RNF112: variants seen among roughly 807,000 people sequenced by gnomAD.
RNF112 encodes brain finger protein.
A neutral mutation model predicts 64.7 loss-of-function variants in RNF112; 34 were observed. The observed-to-expected ratio is 0.53, with a 90% confidence interval of 0.40 to 0.70. RNF112 has a LOEUF of 0.70. RNF112 is among the 30% of genes least tolerant of loss of function. The pLI is 0.00. For missense variants in RNF112, 734 were observed against 850.0 expected, an observed-to-expected ratio of 0.86 and a Z score of 1.70; for synonymous variants, 345 against 344.5, an observed-to-expected ratio of 1.00 and a Z score of -0.02.
At chr17:19,414,987 C>T in intron 10 of RNF112, 51 bp from the exon 11 acceptor site, 1 of 1,581,860 alleles carries the variant, frequency 6.3e-7, no homozygotes, top group Non-Finnish European at 8.6e-7. Flanking sequence ...CTCTGACACC[C>T]CTTCTCCTCC....
chr17:19,412,292 A>G lies in RNF112; in HGVS notation c.96-206A>G, dbSNP rs1245226714. Among the ~76,000 whole-genome samples the G allele has an allele frequency of 6.6e-6, 1 of 152,032 alleles. No homozygotes were observed. Among genetic ancestry groups the G allele is most frequent in the Admixed American group, 6.5e-5 (1 of 15,272 alleles). The stretch of plus-strand genomic sequence containing the variant: ...CTGCTGCCCCCACTCTGAGGCCCCC[A>G]GGTCCTAGGACACATGTCAGTGAGG... On this transcript the variant is annotated intron_variant, in intron 2 of 13. Coordinates refer to ENST00000461366, the MANE Select transcript of RNF112 (RefSeq NM_007148.5). The surrounding 1 kb of genome is among the most constrained non-coding windows in gnomAD (Gnocchi z 5.1).
chr17:19,412,895 C>T lies in RNF112; in HGVS notation c.382-43C>T. ...GCTGAACACATTCCAGGGTCAGGAG[C>T]TGGTCCTGGATGCTCAGGGGCCCCT... is the stretch of plus-strand genomic sequence containing the variant. On this transcript the variant is annotated intron_variant, in intron 3 of 13. Coordinates refer to ENST00000461366, the MANE Select transcript of RNF112 (RefSeq NM_007148.5). The surrounding 1 kb of genome is among the most constrained non-coding windows in gnomAD (Gnocchi z 5.1). 6.4e-7 allele frequency: 1 copy of T among 1,564,702 alleles called. No homozygotes were observed. The highest frequency in any genetic ancestry group is 8.6e-7 in the Non-Finnish European group (1 of 1,156,276).
chr17:19,417,125 G>A lies in RNF112; in HGVS notation c.*950G>A, dbSNP rs1342052045. 1 of 152,194 alleles carries A rather than the reference G, an allele frequency of 6.6e-6. No homozygotes were observed. The highest frequency in any genetic ancestry group is 1.5e-5 in the Non-Finnish European group (1 of 68,044). The allele number at this position is 152,194 out of a possible 1,614,324, so 9.4% of individuals were successfully genotyped here. ...CAAACACCAGGCCCCCTGGGAACTG[G>A]GGGTGCGGGAGTTCTCCCTCTGGGG... is the stretch of plus-strand genomic sequence containing the variant. On this transcript the variant is annotated 3_prime_UTR_variant, in exon 14 of 14. Coordinates refer to ENST00000461366, the MANE Select transcript of RNF112 (RefSeq NM_007148.5).
In RNF112 at chr17:19,415,827, G is replaced by A. The variant is rs544693760; in HGVS notation, c.1548G>A (p.Gly516=). 9.9e-6 allele frequency: 16 copies of A among 1,613,810 alleles called. No individual in the cohort carries two copies. In the East Asian group the frequency reaches 1.6e-4, roughly 16 times the overall value. ...ATGGTGTGGCCTTACTCTGCAAGGG[G>A]AGAGATCAGACCTTGGAGGCACTGG... ...ARHGVALLCK[G]RDQTLEALEA... Residue 516 remains glycine, a synonymous_variant, in exon 14 of 14, where the codon GGG becomes GGA. Transcript: ENST00000461366. The surrounding 1 kb of genome is among the most constrained non-coding windows in gnomAD (Gnocchi z 7.8).
Position 19,413,814 on chromosome 17 carries a change from G to C in RNF112, c.825+133G>C, listed in dbSNP as rs991443298. 8.5e-6 allele frequency: 6 copies of C among 707,534 alleles called. No individual in the cohort carries two copies. The highest frequency in any genetic ancestry group is 1.4e-5 in the Non-Finnish European group (6 of 430,552). 43.8% of individuals were successfully genotyped at this position (707,534 alleles called of 1,614,324 possible). ...GGTTCTGGGGCTGCCTTAGAAGGGG[G>C]AAGGTGCTCCTAGTTGGTGAAGGTG... On this transcript the variant is annotated intron_variant, in intron 6 of 13. Coordinates refer to ENST00000461366, the MANE Select transcript of RNF112 (RefSeq NM_007148.5). The surrounding 1 kb of genome is among the most constrained non-coding windows in gnomAD (Gnocchi z 5.9).
chr17:19,413,057 C>T lies in RNF112; in HGVS notation c.501C>T (p.Thr167=). ...TGAAGCACCCTCTGGCCAGGGACACCCCAGTCTGCCTCCTCGCTGTCCTGG... is the reference window on the plus strand; with the variant it reads ...TGAAGCACCCTCTGGCCAGGGACACTCCAGTCTGCCTCCTCGCTGTCCTGG... ...RCLKHPLARD[T]PVCLLAVLGE... The change falls in exon 4 of 14, where the codon ACC becomes ACT. Residue 167 remains threonine (T), a synonymous_variant. Coordinates refer to ENST00000461366, the MANE Select transcript of RNF112 (RefSeq NM_007148.5). This position sits in a 1 kb window ranked among gnomAD's most constrained non-coding sequence, Gnocchi z 5.9. 6.2e-7 allele frequency: 1 copy of T among 1,613,214 alleles called. No homozygotes were observed. Among genetic ancestry groups the T allele is most frequent in the Non-Finnish European group, 8.5e-7 (1 of 1,179,780 alleles).
Position 19,415,662 on chromosome 17 carries a change from G to T in RNF112, c.1426-43G>T, listed in dbSNP as rs1308409341. 1 of 1,601,004 alleles carries T rather than the reference G, an allele frequency of 6.2e-7. No individual in the cohort carries two copies. Among genetic ancestry groups the T allele is most frequent in the African/African-American group, 1.3e-5 (1 of 74,686 alleles). ...GTCCAGATCAGGGAGAGGATACCTGGGACTCCTGGTCAGGGCACCTTCTTT... is the reference window on the plus strand; with the variant it reads ...GTCCAGATCAGGGAGAGGATACCTGTGACTCCTGGTCAGGGCACCTTCTTT... On this transcript the variant is annotated intron_variant, in intron 13 of 13. Coordinates refer to ENST00000461366, the MANE Select transcript of RNF112 (RefSeq NM_007148.5). The surrounding 1 kb of genome is among the most constrained non-coding windows in gnomAD (Gnocchi z 7.8).
chr17:19,412,427 C>A lies in RNF112; in HGVS notation c.96-71C>A. On this transcript the variant is annotated intron_variant, in intron 2 of 13. Transcript: ENST00000461366. The surrounding 1 kb of genome is among the most constrained non-coding windows in gnomAD (Gnocchi z 5.1). The stretch of plus-strand genomic sequence containing the variant: ...CCACTCCCAAGCCATCAGTCTTCCA[C>A]CACAACCCTGGCCGGTACCCCCTGC... The A allele has an allele frequency of 6.6e-7, 1 of 1,523,930 alleles. No homozygotes were observed. The highest frequency in any genetic ancestry group is 8.9e-7 in the Non-Finnish European group (1 of 1,129,696). The allele number at this position is 1,523,930 out of a possible 1,614,324, so 94.4% of individuals were successfully genotyped here. A position where few individuals can be genotyped will look rare whatever the true frequency, so the allele number is the denominator to read the frequency against.
intron 1 of RNF112, 45 bp from the exon 2 acceptor site, chr17:19,411,585 T>C (rs556529996): frequency 6.5e-7 from 1 of 1,537,694 alleles, no homozygotes; most frequent in Non-Finnish European, 8.8e-7. Flanking sequence ...AAGATAGAAG[T>C]CTGGATTATG....
Position 19,412,629 on chromosome 17 carries a change from T to C in RNF112, c.227T>C (p.Phe76Ser), listed in dbSNP as rs750326865. The C allele has an allele frequency of 6.2e-7, 1 of 1,613,472 alleles. No homozygotes were observed. The part of the protein sequence containing the change: ...DPISLDCGHD[F>S]CIRCFSTHRL... ...ATCTCGCTGGACTGTGGCCACGACT[T>C]CTGCATACGGTGCTTCAGCACACAC... Residue 76 changes from phenylalanine (F) to serine (S), a missense_variant, in exon 3 of 14, where the codon TTC becomes TCC. Transcript: ENST00000461366. This position sits in a 1 kb window ranked among gnomAD's most constrained non-coding sequence, Gnocchi z 5.1.
chr17:19,415,629 C>T lies in RNF112; in HGVS notation c.1425+37C>T, dbSNP rs369054304. On this transcript the variant is annotated intron_variant, in intron 13 of 13. Transcript: ENST00000461366. This position sits in a 1 kb window ranked among gnomAD's most constrained non-coding sequence, Gnocchi z 7.8. ...GGCTGCACGGGAGGCAGGTGTGGGCCGGGCAGGGTCCAGATCAGGGAGAGG... is the reference window on the plus strand; with the variant it reads ...GGCTGCACGGGAGGCAGGTGTGGGCTGGGCAGGGTCCAGATCAGGGAGAGG... 44 of 1,606,768 alleles carry T rather than the reference C, an allele frequency of 2.7e-5. No individual in the cohort carries two copies. In the African/African-American group the frequency reaches 4.5e-4, roughly 17 times the overall value.
Position 19,415,678 on chromosome 17 carries a change from C to T in RNF112, c.1426-27C>T. On this transcript the variant is annotated intron_variant, in intron 13 of 13. Coordinates refer to ENST00000461366, the MANE Select transcript of RNF112 (RefSeq NM_007148.5). This position sits in a 1 kb window ranked among gnomAD's most constrained non-coding sequence, Gnocchi z 7.8. ...GGATACCTGGGACTCCTGGTCAGGG[C>T]ACCTTCTTTTCCCCTCCCTGTCACA... 1 of 1,600,244 alleles carries T rather than the reference C, an allele frequency of 6.2e-7. No individual in the cohort carries two copies. The highest frequency in any genetic ancestry group is 8.5e-7 in the Non-Finnish European group (1 of 1,172,324).
chr17:19,415,323 T>G lies in RNF112; in HGVS notation c.1334T>G (p.Phe445Cys). ...SGWMGRTGPGFTSPDEMAAQL... is the reference protein window; with the variant it reads ...SGWMGRTGPGCTSPDEMAAQL... Reference sequence around the variant, plus strand: ...TGGATGGGGAGGACAGGGCCCGGTTTCACCTCTCCGGATGAGGTATGAGCG... The same window carrying G: ...TGGATGGGGAGGACAGGGCCCGGTTGCACCTCTCCGGATGAGGTATGAGCG... The change falls in exon 12 of 14, where the codon TTC (phenylalanine) becomes TGC (cysteine). Residue 445 changes from phenylalanine to cysteine, a missense_variant. Transcript: ENST00000461366. This position sits in a 1 kb window ranked among gnomAD's most constrained non-coding sequence, Gnocchi z 7.8. 6.2e-7 allele frequency: 1 copy of G among 1,608,724 alleles called. No individual in the cohort carries two copies. Among genetic ancestry groups the G allele is most frequent in the Non-Finnish European group, 8.5e-7 (1 of 1,177,546 alleles).
Position 19,412,720 on chromosome 17 carries a change from C to T in RNF112, c.318C>T (p.Gly106=). The part of the protein sequence containing the change: ...ECRKICKQKR[G]LRSLGEKMKL... Reference sequence around the variant, plus strand: ...GGAAGATATGCAAGCAGAAGAGGGGCCTCCGGAGCCTGGGCGAGAAGATGA... The same window carrying T: ...GGAAGATATGCAAGCAGAAGAGGGGTCTCCGGAGCCTGGGCGAGAAGATGA... Residue 106 remains glycine (G), a synonymous_variant, in exon 3 of 14, where the codon GGC becomes GGT. Transcript: ENST00000461366. The surrounding 1 kb of genome is among the most constrained non-coding windows in gnomAD (Gnocchi z 5.1). The T allele has an allele frequency of 6.2e-7, 1 of 1,613,118 alleles. No individual in the cohort carries two copies. The highest frequency in any genetic ancestry group is 2.2e-5 in the East Asian group (1 of 44,804).
chr17:19,414,331 C>T, intron 7 of RNF112, 118 bp from the exon 8 acceptor site: 1 of 1,288,098 alleles, frequency 7.8e-7, no homozygotes, highest in South Asian at 1.3e-5. Context: ...GAACCCCAGG[C>T]TGCAAAAGGG....
Position 19,411,379 on chromosome 17 carries a change from A to C in RNF112, c.-30A>C, listed in dbSNP as rs779652781. The C allele has an allele frequency of 6.2e-7, 1 of 1,606,052 alleles. No homozygotes were observed. Among genetic ancestry groups the C allele is most frequent in the South Asian group, 1.1e-5 (1 of 89,686 alleles). On this transcript the variant is annotated 5_prime_UTR_variant, in exon 1 of 14. Coordinates refer to ENST00000461366, the MANE Select transcript of RNF112 (RefSeq NM_007148.5). Reference sequence around the variant, plus strand: ...AAGGTCTCGGGGCCTCCCCCTCTGCATCCGGACCCTCTCCCCATCCCAGCC... The same window carrying C: ...AAGGTCTCGGGGCCTCCCCCTCTGCCTCCGGACCCTCTCCCCATCCCAGCC...
chr17:19,414,000 A>G lies in RNF112; in HGVS notation c.826-95A>G. On this transcript the variant is annotated intron_variant, in intron 6 of 13. Transcript: ENST00000461366. This position sits in a 1 kb window ranked among gnomAD's most constrained non-coding sequence, Gnocchi z 5.9. ...GCCTCTCCCATACTCTGAGGCCCAC[A>G]GGCTGCCTGCGAGCTCCCTACTCAC... 9.5e-7 allele frequency: 1 copy of G among 1,057,588 alleles called. No individual in the cohort carries two copies. The highest frequency in any genetic ancestry group is 1.4e-6 in the Non-Finnish European group (1 of 701,316). 65.5% of individuals were successfully genotyped at this position (1,057,588 alleles called of 1,614,324 possible). A position where few individuals can be genotyped will look rare whatever the true frequency, so the allele number is the denominator to read the frequency against.
At position 19,415,564 on chromosome 17, in the gene RNF112, G is replaced by A; in HGVS notation, c.1397G>A (p.Arg466Lys). Reference protein sequence around the residue: ...HDLRKVEAAKREFEEYVRQQD... With the variant: ...HDLRKVEAAKKEFEEYVRQQD... The stretch of plus-strand genomic sequence containing the variant: ...CTGAGGAAGGTGGAAGCTGCCAAGA[G>A]GGAGTTCGAGGAGTATGTGAGGCAG... Residue 466 changes from arginine to lysine, a missense_variant, in exon 13 of 14, where the codon AGG becomes AAG. By Grantham distance (26) the Arg-to-Lys change is conservative. Coordinates refer to ENST00000461366, the MANE Select transcript of RNF112 (RefSeq NM_007148.5). This position sits in a 1 kb window ranked among gnomAD's most constrained non-coding sequence, Gnocchi z 7.8. 6.2e-7 allele frequency: 1 copy of A among 1,612,920 alleles called. No individual in the cohort carries two copies. The highest frequency in any genetic ancestry group is 8.5e-7 in the Non-Finnish European group (1 of 1,179,552).
At position 19,412,545 on chromosome 17, in the gene RNF112, C is replaced by G. The variant is rs958325825; in HGVS notation, c.143C>G (p.Pro48Arg). The change falls in exon 3 of 14, where the codon CCC (proline) becomes CGC (arginine). Residue 48 changes from proline (P) to arginine (R), a missense_variant. Pro to Arg is a moderately radical substitution (Grantham distance 103). Transcript: ENST00000461366. The surrounding 1 kb of genome is among the most constrained non-coding windows in gnomAD (Gnocchi z 5.1). ...TTGGAGCTAGGCCTGGGGCCCCAGC[C>G]CATGGCGCCCCGGGAGCTCCCTACC... ...PKLELGLGPQPMAPRELPTCS... is the reference protein window; with the variant it reads ...PKLELGLGPQRMAPRELPTCS... The G allele has an allele frequency of 6.2e-7, 1 of 1,613,374 alleles. No individual in the cohort carries two copies. Among genetic ancestry groups the G allele is most frequent in the Non-Finnish European group, 8.5e-7 (1 of 1,179,786 alleles).
Sources: allele counts gnomAD v4.1 joint callset (sites outside exome capture counted in the v4.1 genomes callset), GRCh38; gene constraint gnomAD v4.1.1; non-coding constraint Gnocchi (gnomAD v3.1); transcripts MANE v1.5; gene names NCBI Gene and HGNC (gene_info 2026-07-23, HGNC 2026-07-21).